The following MRRF variants were observed in gnomAD, a reference collection of about 807,000 sequenced individuals.
MRRF encodes mitochondrial ribosome recycling factor.
In MRRF, 18 loss-of-function variants were observed where a neutral mutation model predicts 25.1. The ratio of observed to expected loss-of-function variants is 0.72; its 90% CI spans 0.50 to 1.06. The LOEUF (loss-of-function observed/expected upper bound fraction) is 1.06, where lower values mean the gene tolerates loss of function less well. Ranked by LOEUF, MRRF falls within the 50% of genes least tolerant of loss-of-function variation. MRRF has a pLI of 0.00. For synonymous variants in MRRF, 113 were observed against 112.1 expected, an observed-to-expected ratio of 1.01 and a Z score of -0.05; for missense variants, 323 against 319.3, an observed-to-expected ratio of 1.01 and a Z score of -0.09.
At position 122,291,757 on chromosome 9, in the gene MRRF, T is replaced by A. The variant is rs1206720709; in HGVS notation, c.468T>A (p.Ala156=). ...TTTGATCTGGTTTTCAGTGTACAGC[T>A]GCAGCTATCAAGGCTATAAGAGAAA... ...VNMASFPECT[A]AAIKAIRESG... Residue 156 remains alanine (A), a synonymous_variant, in exon 5 of 7, where the codon GCT becomes GCA. Coordinates refer to ENST00000344641, the MANE Select transcript of MRRF (RefSeq NM_138777.5). 5.0e-6 allele frequency: 8 copies of A among 1,611,876 alleles called. No homozygotes were observed. Among genetic ancestry groups the A allele is most frequent in the African/African-American group, 1.3e-5 (1 of 74,998 alleles).
At chr9:122,319,182 G>A (rs1374892550) in intron 6 of MRRF, among the ~76,000 whole-genome samples, 7 of 145,170 alleles carry the variant, frequency 4.8e-5, no homozygotes, top group Middle Eastern at 3.4e-3. Flanking sequence ...ACAGAGCCTG[G>A]CTCTGTCCCC....
intron 5 of MRRF, among the ~76,000 whole-genome samples, chr9:122,310,227 A>T (rs557559763): frequency 5.9e-5 from 9 of 152,220 alleles, no homozygotes; most frequent in Non-Finnish European, 1.3e-4. Flanking sequence ...CAGGCCCAGA[A>T]GTGGGGTCGG....
At chr9:122,276,910 TAGTGCAGC>T (rs1184647421) in intron 2 of MRRF, among the ~76,000 whole-genome samples, 1 of 151,914 alleles carries the variant, frequency 6.6e-6, no homozygotes, top group Non-Finnish European at 1.5e-5. Flanking sequence ...GCCCAGGCTG[TAGTGCAGC>T]AGTGCAATCA....
intron 1 of MRRF, among the ~76,000 whole-genome samples, chr9:122,268,451 T>C (rs552994129): frequency 1.6e-4 from 25 of 152,284 alleles, no homozygotes; most frequent in African/African-American, 5.3e-4. Context: ...TGGTTATAAG[T>C]ATGAGTTAGG....
chr9:122,307,071 G>A (rs942890751), intron 5 of MRRF, among the ~76,000 whole-genome samples: 2 of 152,156 alleles, frequency 1.3e-5, no homozygotes, highest in Admixed American at 6.5e-5. Flanking sequence ...GGGATGAGGC[G>A]AGGGTGGTGT....
intron 4 of MRRF, chr9:122,285,692 T>C: frequency 9.0e-7 from 1 of 1,108,188 alleles, no homozygotes; most frequent in Non-Finnish European, 1.2e-6. Context: ...CTACGATTTT[T>C]ATTTCCAGAA....
chr9:122,287,933 T>C (rs527672300), intron 4 of MRRF, among the ~76,000 whole-genome samples: 1 of 152,346 alleles, frequency 6.6e-6, no homozygotes, highest in South Asian at 2.1e-4. Flanking sequence ...CCCAGGTTCA[T>C]AGCTTTAAAA....
At chr9:122,286,301 T>A (rs1262520234) in intron 4 of MRRF, 5 of 892,950 alleles carry the variant, frequency 5.6e-6, no homozygotes, top group African/African-American at 3.5e-5. Flanking sequence ...GTGAACACAC[T>A]GTTTCAAATC....
At chr9:122,294,662 A>T (rs1435374278) in intron 5 of MRRF, among the ~76,000 whole-genome samples, 2 of 152,204 alleles carry the variant, frequency 1.3e-5, no homozygotes, top group Non-Finnish European at 2.9e-5. Context: ...GTTGATTTAT[A>T]AGTAAGAGGA....
At chr9:122,304,540 G>A (rs1478263368) in intron 5 of MRRF, among the ~76,000 whole-genome samples, 2 of 152,162 alleles carry the variant, frequency 1.3e-5, no homozygotes, top group African/African-American at 4.8e-5. Flanking sequence ...TGCAAAAATT[G>A]CACCCAAAAG....
intron 6 of MRRF, among the ~76,000 whole-genome samples, chr9:122,321,762 C>G (rs1446018752): frequency 6.7e-6 from 1 of 149,484 alleles, no homozygotes; most frequent in East Asian, 1.9e-4. Context: ...TTTTTTTTCA[C>G]TTAACTATTG....
chr9:122,321,548 C>A lies in MRRF; in HGVS notation c.712-992C>A, dbSNP rs1588093955. 2.0e-5 allele frequency among the ~76,000 whole-genome samples: 3 copies of A among 152,262 alleles called. No homozygotes were observed. The East Asian group carries it at 5.8e-4, about 29-fold the overall frequency. On this transcript the variant is annotated intron_variant, in intron 6 of 6. Coordinates refer to ENST00000344641, the MANE Select transcript of MRRF (RefSeq NM_138777.5). ...AGATTTTGGGGTTAAATGGTATGAA[C>A]ATTTGCATCAATTTGAATTTCTATC...
chr9:122,284,452 C>T (rs1420754499), intron 3 of MRRF, among the ~76,000 whole-genome samples: 1 of 152,200 alleles, frequency 6.6e-6, no homozygotes, highest in Admixed American at 6.5e-5. Flanking sequence ...ACAGTCCTCA[C>T]TCTAATCCTC....
chr9:122,305,822 T>G (rs1353035373), intron 5 of MRRF, among the ~76,000 whole-genome samples: 1 of 152,230 alleles, frequency 6.6e-6, no homozygotes, highest in East Asian at 1.9e-4. Flanking sequence ...AGGAAGAGCT[T>G]TGTCAGTTTT....
intron 5 of MRRF, among the ~76,000 whole-genome samples, chr9:122,305,890 T>C (rs1029931410): frequency 2.6e-5 from 4 of 152,238 alleles, no homozygotes; most frequent in African/African-American, 9.6e-5. Context: ...AAGTATGCAA[T>C]AATGTAATCA....
At chr9:122,315,256 G>A (rs1198378461) in intron 6 of MRRF, among the ~76,000 whole-genome samples, 1 of 152,112 alleles carries the variant, frequency 6.6e-6, no homozygotes, top group Admixed American at 6.6e-5. Context: ...GGCTCAAGCA[G>A]TCCTCCTGTA....
rs148287329 is a variant in MRRF at position 122,268,583 on chromosome 9, C to T, written c.-28-2281C>T. 5.0e-3 allele frequency among the ~76,000 whole-genome samples: 762 copies of T among 152,318 alleles called. 11 individuals are homozygous for T. The highest frequency in any genetic ancestry group is 0.035 in the Admixed American group (538 of 15,308). ...CCATGTCCTTGGACAGTGACTTAAT[C>T]TCTCTGAACCTCAGTTTCAGCATCT... On this transcript the variant is annotated intron_variant, in intron 1 of 6. Transcript: ENST00000344641.
Position 122,289,697 on chromosome 9 carries a change from C to T in MRRF, c.460-2052C>T, listed in dbSNP as rs540740437. Reference sequence around the variant, plus strand: ...ATTACCTTGAGTATAACCTTTATACCGCAAACATAATTCCAAATTAAATTT... The same window carrying T: ...ATTACCTTGAGTATAACCTTTATACTGCAAACATAATTCCAAATTAAATTT... On this transcript the variant is annotated intron_variant, in intron 4 of 6. Transcript: ENST00000344641. 5.3e-5 allele frequency among the ~76,000 whole-genome samples: 8 copies of T among 151,026 alleles called. No individual in the cohort carries two copies. The East Asian group carries it at 5.8e-4, about 11-fold the overall frequency.
intron 1 of MRRF, 53 bp from the exon 2 acceptor site, chr9:122,270,811 G>A: frequency 7.7e-6 from 11 of 1,432,076 alleles, no homozygotes; most frequent in Non-Finnish European, 9.8e-6. Flanking sequence ...GAAGTTGCAA[G>A]CTTTGTACTT....
Sources: gnomAD v4.1 joint callset for allele counts (sites outside exome capture counted in the v4.1 genomes callset) on GRCh38, gnomAD v4.1.1 for gene constraint, MANE v1.5 for transcripts, NCBI Gene and HGNC (gene_info 2026-07-23, HGNC 2026-07-21) for gene names.